Variants in TRHDE observed in about 807,000 individuals in gnomAD.
The protein encoded by TRHDE is thyrotropin-releasing hormone-degrading ectoenzyme.
In TRHDE, 72 loss-of-function variants were observed where a neutral mutation model predicts 125.7. That is an observed-to-expected ratio of 0.57 (90% CI 0.47 to 0.70). The LOEUF (loss-of-function observed/expected upper bound fraction) is 0.70. TRHDE is among the 30% of genes least tolerant of loss of function. The pLI, the probability that TRHDE is intolerant of heterozygous loss-of-function variation, is 0.00. For missense variants in TRHDE, 1,110 were observed against 1,327.1 expected (o/e 0.84, Z 2.54); for synonymous variants, 509 against 509.1 (o/e 1.00, Z 0.00).
intron 12 of TRHDE, among the ~76,000 whole-genome samples, chr12:72,613,026 G>A (rs1221132497): frequency 1.3e-5 from 2 of 152,104 alleles, no homozygotes; most frequent in Non-Finnish European, 1.5e-5. Context: ...TTTCCTGGAT[G>A]TCTTATTTTT....
chr12:72,142,715 T>TAGCAGACC (rs1473871028), intron 2 of TRHDE, among the ~76,000 whole-genome samples: 1 of 151,944 alleles, frequency 6.6e-6, no homozygotes, highest in Non-Finnish European at 1.5e-5. Flanking sequence ...ACCAGCAGAC[T>TAGCAGACC]AGCAGACCAG....
At chr12:72,437,589 GAAA>G (rs1874802723) in intron 3 of TRHDE, among the ~76,000 whole-genome samples, 1 of 151,728 alleles carries the variant, frequency 6.6e-6, no homozygotes, top group Non-Finnish European at 1.5e-5. Flanking sequence ...TAATATGGTA[GAAA>G]TCTTCAAAGT....
intron 2 of TRHDE, among the ~76,000 whole-genome samples, chr12:72,201,930 G>C (rs1484463782): frequency 6.6e-6 from 1 of 152,138 alleles, no homozygotes; most frequent in Non-Finnish European, 1.5e-5. Flanking sequence ...TTTTCATTAA[G>C]AAATAATCAA....
chr12:72,290,301 T>G (rs1019218725), intron 2 of TRHDE, among the ~76,000 whole-genome samples: 1 of 152,228 alleles, frequency 6.6e-6, no homozygotes, highest in African/African-American at 2.4e-5. Flanking sequence ...TTATAAACAC[T>G]GATTTTAGAA....
At chr12:72,439,818 G>C in intron 3 of TRHDE, among the ~76,000 whole-genome samples, 1 of 151,748 alleles carries the variant, frequency 6.6e-6, no homozygotes, top group Non-Finnish European at 1.5e-5. Flanking sequence ...TCATTTTCTT[G>C]CTCCAGATCT....
At chr12:72,319,318 T>C (rs1195695794) in intron 2 of TRHDE, among the ~76,000 whole-genome samples, 1 of 152,188 alleles carries the variant, frequency 6.6e-6, no homozygotes, top group Non-Finnish European at 1.5e-5. Flanking sequence ...TCTGTAGGAC[T>C]GTGGGAGTGG....
At chr12:72,298,335 G>A (rs768821746) in intron 2 of TRHDE, among the ~76,000 whole-genome samples, 2 of 152,130 alleles carry the variant, frequency 1.3e-5, no homozygotes, top group Non-Finnish European at 2.9e-5. Context: ...ATTCTTCCTG[G>A]TAGAATTTTG....
At chr12:72,400,910 T>C (rs1873015747) in intron 3 of TRHDE, among the ~76,000 whole-genome samples, 1 of 152,168 alleles carries the variant, frequency 6.6e-6, no homozygotes, top group Non-Finnish European at 1.5e-5. Context: ...AATTTCTTCT[T>C]CTTGGGTTAC....
chr12:72,502,898 A>G (rs1878214465), intron 6 of TRHDE, among the ~76,000 whole-genome samples: 1 of 152,158 alleles, frequency 6.6e-6, no homozygotes, highest in South Asian at 2.1e-4. Context: ...TGAGGCTGAA[A>G]TTTCAGGGAC....
chr12:72,612,586 T>C (rs1051801886), intron 12 of TRHDE, among the ~76,000 whole-genome samples: 2 of 152,182 alleles, frequency 1.3e-5, no homozygotes, highest in Non-Finnish European at 2.9e-5. Flanking sequence ...TTTAGCTTCT[T>C]TCTCTCAAAA....
Position 72,272,766 on chromosome 12 carries a change from C to A in TRHDE, c.123C>A (p.Pro41=). 2 of 1,542,606 alleles carry A rather than the reference C, an allele frequency of 1.3e-6. No homozygotes were observed. The highest frequency in any genetic ancestry group is 8.7e-7 in the Non-Finnish European group (1 of 1,146,518). Residue 41 remains proline, a synonymous_variant, in exon 1 of 19, where the codon CCC becomes CCA. Coordinates refer to ENST00000261180, the MANE Select transcript of TRHDE (RefSeq NM_013381.3). This position sits in a 1 kb window ranked among gnomAD's most constrained non-coding sequence, Gnocchi z 6.7. ...EEEGAEKSSS[P]FAAAMGEDDA... is the part of the protein sequence containing the mutation. ...AGGGGGCCGAGAAGAGCAGCTCACCCTTCGCAGCCGCGATGGGGGAAGACG... is the reference window on the plus strand; with the variant it reads ...AGGGGGCCGAGAAGAGCAGCTCACCATTCGCAGCCGCGATGGGGGAAGACG...
chr12:72,183,722 G>C (rs530574368), intron 2 of TRHDE, among the ~76,000 whole-genome samples: 1 of 152,238 alleles, frequency 6.6e-6, no homozygotes, highest in Admixed American at 6.5e-5. Flanking sequence ...TTAGAGTCTA[G>C]TCTAGACTAA....
intron 12 of TRHDE, among the ~76,000 whole-genome samples, chr12:72,586,497 A>C (rs1395844222): frequency 6.6e-6 from 1 of 152,200 alleles, no homozygotes. Flanking sequence ...TCAGATTAGG[A>C]AAATCTGACT....
chr12:72,637,182 C>G (rs1207029253), intron 15 of TRHDE, among the ~76,000 whole-genome samples: 1 of 152,108 alleles, frequency 6.6e-6, no homozygotes, highest in East Asian at 1.9e-4. Context: ...AATTTCAGAT[C>G]CTGTTATTGG....
At chr12:72,651,944 T>C (rs1166060164) in intron 15 of TRHDE, among the ~76,000 whole-genome samples, 1 of 151,964 alleles carries the variant, frequency 6.6e-6, no homozygotes, top group Non-Finnish European at 1.5e-5. Flanking sequence ...ACTGGTACTT[T>C]CTTGACATTC....
chr12:72,612,479 G>A (rs144659612), intron 12 of TRHDE, among the ~76,000 whole-genome samples: 366 of 152,318 alleles, frequency 2.4e-3, no homozygotes, highest in Non-Finnish European at 4.6e-3. Context: ...TCATGGGGTA[G>A]AACCAGCAGG....
At chr12:72,295,143 G>T (rs1445712531) in intron 2 of TRHDE, among the ~76,000 whole-genome samples, 1 of 148,648 alleles carries the variant, frequency 6.7e-6, no homozygotes, top group African/African-American at 2.5e-5. Flanking sequence ...GCTGGGGGAT[G>T]GGGGGTGGTT....
At position 72,625,462 on chromosome 12, in the gene TRHDE, G is replaced by A. The variant is rs1363374653; in HGVS notation, c.2675+3711G>A. Among the ~76,000 whole-genome samples the A allele has an allele frequency of 8.7e-5, 13 of 149,128 alleles. No individual in the cohort carries two copies. The South Asian group carries it at 1.7e-3, about 19-fold the overall frequency. On this transcript the variant is annotated intron_variant, in intron 15 of 18. Coordinates refer to ENST00000261180, the MANE Select transcript of TRHDE (RefSeq NM_013381.3). Reference sequence around the variant, plus strand: ...TGAATTGAGTATTCATTTTGAAACCGAAAAAAAAAGTCAATTCTATAATAA... The same window carrying A: ...TGAATTGAGTATTCATTTTGAAACCAAAAAAAAAAGTCAATTCTATAATAA...
chr12:72,406,509 G>C (rs1019511882), intron 3 of TRHDE, among the ~76,000 whole-genome samples: 15 of 152,144 alleles, frequency 9.9e-5, no homozygotes, highest in African/African-American at 3.1e-4. Context: ...GTGAGTGGGG[G>C]TTCCTGGATC....
Sources: allele counts gnomAD v4.1 joint callset (sites outside exome capture counted in the v4.1 genomes callset), GRCh38; gene constraint gnomAD v4.1.1; non-coding constraint Gnocchi (gnomAD v3.1); transcripts MANE v1.5; gene names NCBI Gene and HGNC (gene_info 2026-07-23, HGNC 2026-07-21).